XKR6: variants seen among roughly 807,000 people sequenced by gnomAD.
XKR6 encodes the protein XK-related protein 6.
In XKR6, 22 loss-of-function variants were observed where a neutral mutation model predicts 56.7. The ratio of observed to expected loss-of-function variants is 0.39; its 90% CI spans 0.28 to 0.55. XKR6 has a LOEUF of 0.55. Ranked by LOEUF, XKR6 falls within the 20% of genes least tolerant of loss-of-function variation. The pLI, the probability that XKR6 is intolerant of heterozygous loss-of-function variation, is 0.66. For synonymous variants in XKR6, 524 were observed against 387.8 expected (o/e 1.35, Z -4.13); for missense variants, 852 against 889.0 (o/e 0.96, Z 0.53).
At chr8:10,979,188 C>A (rs1797667325) in intron 1 of XKR6, among the ~76,000 whole-genome samples, 1 of 152,036 alleles carries the variant, frequency 6.6e-6, no homozygotes, top group African/African-American at 2.4e-5. Flanking sequence ...TCTGCCCCTC[C>A]CTGTTTCCTC....
intron 1 of XKR6, chr8:11,124,912 G>A (rs147854004): frequency 0.045 from 6,692 of 148,434 alleles, 158 homozygotes; most frequent in South Asian, 0.11. Flanking sequence ...GTGAAACCCC[G>A]TCACTACTAT....
At chr8:10,974,679 C>A (rs191132580) in intron 1 of XKR6, among the ~76,000 whole-genome samples, 1 of 152,210 alleles carries the variant, frequency 6.6e-6, no homozygotes, top group Non-Finnish European at 1.5e-5. Flanking sequence ...CATTCTCACC[C>A]TCTCCCTCCT....
chr8:11,140,072 G>A (rs74552165), intron 1 of XKR6, among the ~76,000 whole-genome samples: 3,068 of 151,260 alleles, frequency 0.02, 125 homozygotes, highest in African/African-American at 0.071. Context: ...ACAAGAACAC[G>A]TAAACACAAA....
chr8:11,002,085 A>G (rs1304916276), intron 1 of XKR6, among the ~76,000 whole-genome samples: 2 of 147,170 alleles, frequency 1.4e-5, no homozygotes, highest in African/African-American at 2.6e-5. Context: ...AAAAAAACAC[A>G]CAAAAAACCT....
intron 1 of XKR6, among the ~76,000 whole-genome samples, chr8:11,043,256 C>G (rs528688421): frequency 5.3e-5 from 8 of 152,036 alleles, no homozygotes; most frequent in Non-Finnish European, 1.0e-4. Flanking sequence ...AGCGTGAGCA[C>G]TCAAACACTG....
At chr8:11,171,170 G>A (rs1447394125) in intron 1 of XKR6, among the ~76,000 whole-genome samples, 1 of 152,244 alleles carries the variant, frequency 6.6e-6, no homozygotes, top group Non-Finnish European at 1.5e-5. Flanking sequence ...AGGATCTGCT[G>A]AAGTGTGGTC....
At chr8:10,969,262 C>T (rs1802326191) in intron 1 of XKR6, among the ~76,000 whole-genome samples, 1 of 152,174 alleles carries the variant, frequency 6.6e-6, no homozygotes, top group Non-Finnish European at 1.5e-5. Context: ...AACTCTCCAC[C>T]ACACCCATAA....
chr8:11,164,540 G>A (rs565888368), intron 1 of XKR6, among the ~76,000 whole-genome samples: 1 of 152,196 alleles, frequency 6.6e-6, no homozygotes, highest in East Asian at 1.9e-4. Context: ...CTTGTTTTAA[G>A]TCCCTATCTT....
intron 2 of XKR6, among the ~76,000 whole-genome samples, chr8:10,915,000 T>C (rs935280197): frequency 6.6e-6 from 1 of 152,152 alleles, no homozygotes; most frequent in East Asian, 1.9e-4. Flanking sequence ...CACCCTCACC[T>C]CAGTGGCGCC....
rs1189158566 is a variant in XKR6, at chr8:11,070,119, A to C, written c.764+130457T>G. Among the ~76,000 whole-genome samples the C allele has an allele frequency of 5.3e-5, 8 of 152,294 alleles. 1 individual carries two copies. Among genetic ancestry groups the C allele is most frequent in the African/African-American group, 1.7e-4 (7 of 41,558 alleles). ...GGACATGGGAGTCCTGACAACACAGATGTGTGAGAAATACAAAGAAGACCC... is the reference window on the plus strand; with the variant it reads ...GGACATGGGAGTCCTGACAACACAGCTGTGTGAGAAATACAAAGAAGACCC... On this transcript the variant is annotated intron_variant, in intron 1 of 2. Transcript: ENST00000416569.
At chr8:11,151,939 T>C (rs1801291064) in intron 1 of XKR6, among the ~76,000 whole-genome samples, 1 of 152,056 alleles carries the variant, frequency 6.6e-6, no homozygotes, top group Non-Finnish European at 1.5e-5. Context: ...ACAAGTCCCG[T>C]TCAAAAGGAT....
chr8:11,174,880 GGACAA>G (rs2117061352), intron 1 of XKR6, among the ~76,000 whole-genome samples: 1 of 152,296 alleles, frequency 6.6e-6, no homozygotes, highest in South Asian at 2.1e-4. Context: ...TCTGCCTTCT[GGACAA>G]GACAGTATTT....
At chr8:11,190,233 A>AAAAAGAAAAGAAAAGAAAGGAAAGG (rs1441745211) in intron 1 of XKR6, among the ~76,000 whole-genome samples, 1 of 128,614 alleles carries the variant, frequency 7.8e-6, no homozygotes, top group Non-Finnish European at 1.7e-5. Flanking sequence ...AGAGAAAAGA[A>AAAAAGAAAAGAAAAGAAAGGAAAGG]AAAAGAAAAA....
intron 1 of XKR6, chr8:11,114,197 G>A (rs545753133): frequency 1.1e-3 from 372 of 349,276 alleles, no homozygotes; most frequent in Non-Finnish European, 1.8e-3. Flanking sequence ...ACAGAAAAAT[G>A]AAAATGTACA....
intron 1 of XKR6, among the ~76,000 whole-genome samples, chr8:11,100,032 T>C (rs139156087): frequency 3.3e-5 from 5 of 152,110 alleles, no homozygotes; most frequent in Non-Finnish European, 7.4e-5. Flanking sequence ...CCAGTTTAAG[T>C]AGGGCTCATT....
intron 1 of XKR6, among the ~76,000 whole-genome samples, chr8:11,180,169 G>C (rs534040420): frequency 6.6e-6 from 1 of 152,088 alleles, no homozygotes; most frequent in East Asian, 1.9e-4. Flanking sequence ...AATAATAAAA[G>C]GTATTAAGTA....
intron 1 of XKR6, among the ~76,000 whole-genome samples, chr8:11,178,268 TGGAAC>T (rs1476580457): frequency 1.3e-5 from 2 of 152,114 alleles, no homozygotes; most frequent in African/African-American, 4.8e-5. Context: ...CAGCTCCGGA[TGGAAC>T]TGTAGCAACC....
chr8:11,122,069 G>A (rs964038929), intron 1 of XKR6, among the ~76,000 whole-genome samples: 2 of 152,210 alleles, frequency 1.3e-5, no homozygotes, highest in Non-Finnish European at 2.9e-5. Flanking sequence ...CATAAAGTGA[G>A]TGATAATCAA....
intron 1 of XKR6, among the ~76,000 whole-genome samples, chr8:11,040,313 G>C (rs145470296): frequency 1.2e-3 from 172 of 149,062 alleles, no homozygotes; most frequent in African/African-American, 4.1e-3. Flanking sequence ...CTTGAGCCCA[G>C]GAATTTGAGA....
Sources: allele counts gnomAD v4.1 joint callset (sites outside exome capture counted in the v4.1 genomes callset), GRCh38; gene constraint gnomAD v4.1.1; transcripts MANE v1.5; gene names NCBI Gene and HGNC (gene_info 2026-07-23, HGNC 2026-07-21).